The following RYR2 variants were observed in gnomAD, a reference collection of about 807,000 sequenced individuals.
The protein encoded by RYR2 is ryanodine receptor 2.
In RYR2, 227 loss-of-function variants were observed where a neutral mutation model predicts 601.1. The ratio of observed to expected loss-of-function variants is 0.38; its 90% CI spans 0.34 to 0.42. The LOEUF is 0.42. Ranked by LOEUF, RYR2 falls within the 10% of genes least tolerant of loss-of-function variation. The pLI is 1.00. For synonymous variants in RYR2, 2,223 were observed against 2,175.1 expected, an observed-to-expected ratio of 1.02 and a Z score of -0.61; for missense variants, 4,646 against 6,156.5, an observed-to-expected ratio of 0.75 and a Z score of 8.21.
intron 4 of RYR2, among the ~76,000 whole-genome samples, chr1:237,363,389 T>C (rs1361349725): frequency 6.6e-6 from 1 of 152,042 alleles, no homozygotes; most frequent in Non-Finnish European, 1.5e-5. Flanking sequence ...AATGAAAAAA[T>C]TAGTCTCAAC....
intron 96 of RYR2, 118 bp from the exon 97 acceptor site, chr1:237,797,919 A>C (rs901117450): frequency 3.9e-5 from 36 of 924,870 alleles, no homozygotes; most frequent in Non-Finnish European, 5.0e-5. Flanking sequence ...CTAGATTTTA[A>C]GTGATTGTTA....
At chr1:237,294,670 C>T (rs1345496) in intron 2 of RYR2, among the ~76,000 whole-genome samples, 61,008 of 151,956 alleles carry the variant, frequency 0.4, 14,359 homozygotes, top group East Asian at 0.59. Context: ...TATGCACACA[C>T]GCATATACAT....
At chr1:237,327,862 T>G (rs1345615868) in intron 2 of RYR2, among the ~76,000 whole-genome samples, 1 of 152,182 alleles carries the variant, frequency 6.6e-6, no homozygotes, top group Non-Finnish European at 1.5e-5. Context: ...AACCAAAGAT[T>G]ATAAAAGTTA....
chr1:237,772,060 A>G lies in RYR2; in HGVS notation c.11606A>G (p.Asn3869Ser), dbSNP rs1246024470. 1 of 1,554,578 alleles carries G rather than the reference A, an allele frequency of 6.4e-7. No individual in the cohort carries two copies. The highest frequency in any genetic ancestry group is 1.4e-5 in the African/African-American group (1 of 73,754). The change falls in exon 86 of 105, where the codon AAC (asparagine) becomes AGC (serine). Residue 3869 changes from asparagine to serine, a missense_variant. Asn to Ser is a conservative substitution (Grantham distance 46). Coordinates refer to ENST00000366574, the MANE Select transcript of RYR2 (RefSeq NM_001035.3). ...CAGACTGGCAATAATACAACTGTCAACATAATTATCTCCACTGTAGACTAC... is the reference window on the plus strand; with the variant it reads ...CAGACTGGCAATAATACAACTGTCAGCATAATTATCTCCACTGTAGACTAC... ...RTQTGNNTTV[N>S]IIISTVDYLL...
chr1:237,114,047 G>A (rs1302785474), intron 1 of RYR2, among the ~76,000 whole-genome samples: 2 of 152,194 alleles, frequency 1.3e-5, no homozygotes, highest in African/African-American at 2.4e-5. Context: ...TCTTTAGAAA[G>A]GGTGCAGAGA....
At position 237,234,999 on chromosome 1, in the gene RYR2, C is replaced by G. The variant is rs114335212; in HGVS notation, c.49-35498C>G. ...GTCTTTAAAAGCACTGATGTAGTAACCCCCCCTGGGGTTCAGGGTCCACTT... is the reference window on the plus strand; with the variant it reads ...GTCTTTAAAAGCACTGATGTAGTAAGCCCCCCTGGGGTTCAGGGTCCACTT... On this transcript the variant is annotated intron_variant, in intron 1 of 104. Coordinates refer to ENST00000366574, the MANE Select transcript of RYR2 (RefSeq NM_001035.3). Among the ~76,000 whole-genome samples, 1,026 of 151,932 alleles carry G rather than the reference C, an allele frequency of 6.8e-3. 10 individuals carry two copies. Among genetic ancestry groups the G allele is most frequent in the African/African-American group, 0.023 (967 of 41,436 alleles).
intron 69 of RYR2, 143 bp from the exon 70 acceptor site, chr1:237,709,336 AT>A (rs546455898): frequency 8.6e-5 from 58 of 675,854 alleles, no homozygotes; most frequent in Non-Finnish European, 1.1e-4. Context: ...TGATGTTTAA[AT>A]TTTTTTTTAA....
chr1:237,431,368 A>G (rs1706791116), intron 12 of RYR2, among the ~76,000 whole-genome samples: 1 of 152,210 alleles, frequency 6.6e-6, no homozygotes, highest in South Asian at 2.1e-4. Context: ...AGAAAGGAGA[A>G]AAGTAAATCC....
chr1:237,190,777 T>C (rs1679888140), intron 1 of RYR2, among the ~76,000 whole-genome samples: 1 of 152,228 alleles, frequency 6.6e-6, no homozygotes, highest in South Asian at 2.1e-4. Flanking sequence ...CCACTGATTC[T>C]AGTATCCATT....
intron 1 of RYR2, among the ~76,000 whole-genome samples, chr1:237,102,537 G>A (rs969481980): frequency 2.0e-5 from 3 of 152,242 alleles, no homozygotes; most frequent in African/African-American, 4.8e-5. Context: ...GTTTTGATCA[G>A]CTGCCCTGAG....
chr1:237,335,167 C>T (rs531615086), intron 3 of RYR2, among the ~76,000 whole-genome samples: 24 of 152,104 alleles, frequency 1.6e-4, no homozygotes, highest in African/African-American at 4.8e-4. Context: ...TTAATGATGC[C>T]GCAGCAGTGT....
At chr1:237,079,618 G>A (rs1469676432) in intron 1 of RYR2, among the ~76,000 whole-genome samples, 4 of 50,444 alleles carry the variant, frequency 7.9e-5, no homozygotes, top group Admixed American at 2.4e-4. Flanking sequence ...ACTGCTCAAG[G>A]AAATAAAAGA....
chr1:237,099,330 C>T (rs545936287), intron 1 of RYR2, among the ~76,000 whole-genome samples: 20 of 152,096 alleles, frequency 1.3e-4, no homozygotes, highest in South Asian at 6.2e-4. Flanking sequence ...CTCAACCTCC[C>T]GGGCTCAAGC....
At chr1:237,569,432 A>C (rs1457508270) in intron 29 of RYR2, 113 bp downstream of exon 29, 2 of 972,968 alleles carry the variant, frequency 2.1e-6, no homozygotes, top group Non-Finnish European at 3.1e-6. Flanking sequence ...GATGAGTTGC[A>C]GCTGTAAATC....
chr1:237,354,472 G>A (rs563949448), intron 3 of RYR2, among the ~76,000 whole-genome samples: 3 of 152,030 alleles, frequency 2.0e-5, no homozygotes, highest in Non-Finnish European at 2.9e-5. Context: ...CACTAAAATA[G>A]CACCAAAAAT....
At chr1:237,303,947 C>T (rs182537915) in intron 2 of RYR2, among the ~76,000 whole-genome samples, 1 of 152,078 alleles carries the variant, frequency 6.6e-6, no homozygotes, top group Admixed American at 6.6e-5. Flanking sequence ...CCTTGTTTTC[C>T]TTTTTTTGTG....
intron 2 of RYR2, among the ~76,000 whole-genome samples, chr1:237,325,604 C>T (rs1020754646): frequency 5.3e-5 from 8 of 152,002 alleles, no homozygotes; most frequent in Non-Finnish European, 8.8e-5. Flanking sequence ...AGGAGAATGG[C>T]GTGAACGTGG....
intron 1 of RYR2, among the ~76,000 whole-genome samples, chr1:237,176,900 G>A (rs1281858549): frequency 6.6e-6 from 1 of 152,184 alleles, no homozygotes. Flanking sequence ...CAAGAAAACT[G>A]TGTATCTACA....
At chr1:237,157,809 G>C (rs2148846197) in intron 1 of RYR2, among the ~76,000 whole-genome samples, 1 of 152,256 alleles carries the variant, frequency 6.6e-6, no homozygotes, top group South Asian at 2.1e-4. Context: ...ATAAATTCTG[G>C]TATTCAATAG....
Sources: allele counts gnomAD v4.1 joint callset (sites outside exome capture counted in the v4.1 genomes callset), GRCh38; gene constraint gnomAD v4.1.1; transcripts MANE v1.5; gene names NCBI Gene and HGNC (gene_info 2026-07-23, HGNC 2026-07-21).